PRR16: variants seen among roughly 807,000 people sequenced by gnomAD.
PRR16 encodes protein Largen.
In PRR16, 6 loss-of-function variants were observed where a neutral mutation model predicts 18.2. The ratio of observed to expected loss-of-function variants is 0.33; its 90% CI spans 0.18 to 0.65. PRR16 has a LOEUF of 0.65. Ranked by LOEUF, PRR16 falls within the 30% of genes least tolerant of loss-of-function variation. The probability of loss-of-function intolerance (pLI) is 0.74; values close to 1 mark genes in which losing one functional copy is unlikely to be tolerated. For synonymous variants in PRR16, 151 were observed against 147.8 expected (o/e 1.02, Z -0.16); for missense variants, 412 against 376.6 (o/e 1.09, Z -0.78).
chr5:120,470,903 T>A (rs1218064746), intron 1 of PRR16, among the ~76,000 whole-genome samples: 2 of 152,122 alleles, frequency 1.3e-5, no homozygotes, highest in African/African-American at 2.4e-5. Flanking sequence ...TCTTTCACGT[T>A]TCCTATTTTT....
At chr5:120,779,087 G>A in the PRR16 span, among the ~76,000 whole-genome samples, 7 of 152,164 alleles carry the variant, frequency 4.6e-5, no homozygotes, top group South Asian at 4.1e-4. Flanking sequence ...ATGGAACTTA[G>A]TAAAATATGC....
At position 120,609,217 on chromosome 5, in the gene PRR16, A is replaced by G. The variant is rs186397528; in HGVS notation, c.160-76737A>G. 2.6e-5 allele frequency among the ~76,000 whole-genome samples: 4 copies of G among 152,186 alleles called. No individual in the cohort carries two copies. The East Asian group carries it at 7.7e-4, about 29-fold the overall frequency. ...TTATGGTTAGATATATATAAGTAAA[A>G]TTTGACATTTTATTCATTTTTAAAT... On this transcript the variant is annotated intron_variant, in intron 1 of 1. Coordinates refer to ENST00000407149, the MANE Select transcript of PRR16 (RefSeq NM_001300783.2).
chr5:120,539,795 T>C (rs558108892), intron 1 of PRR16, among the ~76,000 whole-genome samples: 10 of 152,342 alleles, frequency 6.6e-5, no homozygotes, highest in African/African-American at 1.9e-4. Flanking sequence ...TTGTGTATAA[T>C]GTAATTGGAT....
the PRR16 span, among the ~76,000 whole-genome samples, chr5:120,723,516 C>G: frequency 7.6e-4 from 115 of 152,068 alleles, 2 homozygotes; most frequent in East Asian, 0.022. Context: ...AAGCAATGTG[C>G]TGATGTCAAA....
At chr5:120,621,919 T>C (rs539541238) in intron 1 of PRR16, among the ~76,000 whole-genome samples, 2 of 152,330 alleles carry the variant, frequency 1.3e-5, no homozygotes, top group African/African-American at 2.4e-5. Context: ...ATCTTTGGCC[T>C]TTTCCACTTA....
At chr5:120,591,380 T>C (rs1482622196) in intron 1 of PRR16, among the ~76,000 whole-genome samples, 1 of 152,104 alleles carries the variant, frequency 6.6e-6, no homozygotes. Flanking sequence ...TATATATGTA[T>C]ATTCCATATA....
At chr5:120,479,431 A>G (rs1173283188) in intron 1 of PRR16, among the ~76,000 whole-genome samples, 1 of 152,184 alleles carries the variant, frequency 6.6e-6, no homozygotes, top group Non-Finnish European at 1.5e-5. Flanking sequence ...CCAGCATGCT[A>G]TATTTATGCA....
At chr5:120,554,714 C>T (rs1255822691) in intron 1 of PRR16, among the ~76,000 whole-genome samples, 2 of 151,878 alleles carry the variant, frequency 1.3e-5, no homozygotes, top group Non-Finnish European at 2.9e-5. Flanking sequence ...CCAGCCTTCC[C>T]AGCTTACATT....
At chr5:120,569,162 T>G (rs906891240) in intron 1 of PRR16, among the ~76,000 whole-genome samples, 1 of 152,174 alleles carries the variant, frequency 6.6e-6, no homozygotes, top group African/African-American at 2.4e-5. Context: ...TGCCAAGTTT[T>G]TCTGCTGTAT....
At chr5:120,704,084 A>G in the PRR16 span, among the ~76,000 whole-genome samples, 1 of 152,260 alleles carries the variant, frequency 6.6e-6, no homozygotes. Flanking sequence ...AGAAGTTAAC[A>G]TAAGAAAGAA....
At chr5:120,780,356 G>A in the PRR16 span, among the ~76,000 whole-genome samples, 1 of 152,080 alleles carries the variant, frequency 6.6e-6, no homozygotes, top group Admixed American at 6.6e-5. Flanking sequence ...TACTGTGTAA[G>A]TGATTGGAAT....
At chr5:120,749,408 G>A in the PRR16 span, among the ~76,000 whole-genome samples, 10 of 152,210 alleles carry the variant, frequency 6.6e-5, no homozygotes, top group East Asian at 1.9e-3. Flanking sequence ...GGGCAAAATT[G>A]TTGTTGCTAC....
the PRR16 span, among the ~76,000 whole-genome samples, chr5:120,764,884 T>C: frequency 3.3e-5 from 5 of 152,062 alleles, no homozygotes; most frequent in Admixed American, 1.3e-4. Flanking sequence ...TTAACCTTTC[T>C]CATCATACAA....
At chr5:120,719,870 A>G in the PRR16 span, among the ~76,000 whole-genome samples, 629 of 152,142 alleles carry the variant, frequency 4.1e-3, 5 homozygotes, top group African/African-American at 0.014. Flanking sequence ...GACATGTGTT[A>G]TATCTAATTG....
At chr5:120,624,058 T>C (rs567522153) in intron 1 of PRR16, among the ~76,000 whole-genome samples, 2 of 152,278 alleles carry the variant, frequency 1.3e-5, no homozygotes, top group African/African-American at 4.8e-5. Flanking sequence ...CCAAGGGACA[T>C]AAATTGTGCA....
intron 1 of PRR16, among the ~76,000 whole-genome samples, chr5:120,537,349 T>G (rs1409645342): frequency 6.6e-6 from 1 of 152,210 alleles, no homozygotes; most frequent in Non-Finnish European, 1.5e-5. Flanking sequence ...TTAGCACTTT[T>G]GGAAGAGGTG....
chr5:120,593,216 A>G (rs548923748), intron 1 of PRR16, among the ~76,000 whole-genome samples: 54 of 152,108 alleles, frequency 3.6e-4, no homozygotes, highest in African/African-American at 1.3e-3. Flanking sequence ...AAAGATGAAG[A>G]AATCTAGAAT....
chr5:120,537,791 T>G (rs78306561), intron 1 of PRR16, among the ~76,000 whole-genome samples: 1 of 147,548 alleles, frequency 6.8e-6, no homozygotes, highest in Non-Finnish European at 1.5e-5. Flanking sequence ...TTTTTTTTTT[T>G]TTTGAGACGG....
intron 1 of PRR16, among the ~76,000 whole-genome samples, chr5:120,603,264 T>C (rs888808440): frequency 2.0e-4 from 31 of 152,110 alleles, no homozygotes; most frequent in Non-Finnish European, 4.4e-5. Context: ...GTTCAAGATA[T>C]GAGTTTGTTC....
Sources: allele counts gnomAD v4.1 joint callset (sites outside exome capture counted in the v4.1 genomes callset), GRCh38; gene constraint gnomAD v4.1.1; transcripts MANE v1.5; gene names NCBI Gene and HGNC (gene_info 2026-07-23, HGNC 2026-07-21).